The following HERC2 variants were observed in gnomAD, a reference collection of about 807,000 sequenced individuals.
The protein encoded by HERC2 is HECT and RLD domain containing E3 ubiquitin protein ligase 2.
HERC2 carries 102 observed loss-of-function variants against 537.7 expected under a neutral mutation model. The ratio of observed to expected loss-of-function variants is 0.19; its 90% confidence interval spans 0.16 to 0.22. HERC2 has a LOEUF of 0.22. Ranked by LOEUF, HERC2 falls within the 10% of genes least tolerant of loss-of-function variation. HERC2 has a pLI of 1.00. For missense variants in HERC2, 4,236 were observed against 6,198.2 expected (o/e 0.68, Z 10.63); for synonymous variants, 2,224 against 2,466.2 (o/e 0.90, Z 2.91).
At chr15:28,289,970 G>A (rs1003784939) in intron 4 of HERC2, among the ~76,000 whole-genome samples, 6 of 151,116 alleles carry the variant, frequency 4.0e-5, no homozygotes, top group African/African-American at 1.5e-4. Flanking sequence ...TCAGTGAGAG[G>A]ACAACACACC....
At chr15:28,256,364 G>A (rs2075261423) in intron 17 of HERC2, 47 bp from the exon 18 acceptor site, 2 of 1,236,552 alleles carry the variant, frequency 1.6e-6, no homozygotes, top group Non-Finnish European at 2.3e-6. Flanking sequence ...AAAAATGAGT[G>A]AATTTCAAAG....
At chr15:28,251,346 G>A (rs2075072228) in intron 20 of HERC2, among the ~76,000 whole-genome samples, 1 of 152,016 alleles carries the variant, frequency 6.6e-6, no homozygotes, top group Non-Finnish European at 1.5e-5. Context: ...AGGAGGCTGA[G>A]GCAGGAGAAT....
chr15:28,202,475 C>A lies in HERC2; in HGVS notation c.7352G>T (p.Arg2451Leu), dbSNP rs778731000. 6.8e-6 allele frequency: 10 copies of A among 1,468,914 alleles called. No homozygotes were observed. The highest frequency in any genetic ancestry group is 4.3e-5 in the African/African-American group (3 of 69,984). 91.0% of individuals were successfully genotyped at this position (1,468,914 alleles called of 1,614,324 possible). Reference sequence around the variant, plus strand: ...CAGAGCGGGAACGGGCGACTGCTTGCGCCTCTTCACTCTGGCAGGGCGGAT... The same window carrying A: ...CAGAGCGGGAACGGGCGACTGCTTGAGCCTCTTCACTCTGGCAGGGCGGAT... ...QHIRPARVKRRKQSPVPALPI... is the reference protein window; with the variant it reads ...QHIRPARVKRLKQSPVPALPI... The change falls in exon 46 of 93, where the codon CGC (arginine) becomes CTC (leucine). Residue 2451 changes from arginine (R) to leucine (L), a missense_variant. Transcript: ENST00000261609.
At position 28,213,853 on chromosome 15, in the gene HERC2, G is replaced by C. The variant is rs145730767; in HGVS notation, c.6675C>G (p.His2225Gln). Residue 2225 changes from histidine to glutamine, a missense_variant, in exon 42 of 93, where the codon CAC becomes CAG. Physicochemically the swap from His to Gln is conservative, Grantham distance 24. Around this residue, in one of 27 missense-constraint regions of HERC2, gnomAD observed 365 missense variants for 468.8 expected, o/e 0.78. Coordinates refer to ENST00000261609, the MANE Select transcript of HERC2 (RefSeq NM_004667.6). Reference protein sequence around the residue: ...GRLRLGGQVMHDEFGEGTVTR... With the variant: ...GRLRLGGQVMQDEFGEGTVTR... The stretch of plus-strand genomic sequence containing the variant: ...TCACAGTGCCTTCTCCAAACTCATC[G>C]TGCATAACTTGACCGCCCAGGCGCA... 1.2e-6 allele frequency: 2 copies of C among 1,613,874 alleles called. No individual in the cohort carries two copies. Among genetic ancestry groups the C allele is most frequent in the Non-Finnish European group, 8.5e-7 (1 of 1,179,920 alleles).
chr15:28,270,715 T>G lies in HERC2; in HGVS notation c.1237A>C (p.Ser413Arg), dbSNP rs778503182. ...LATPCMPPLC[S>R]SPTSHKGSLQ... ...CACACCTTATGAGATGTCGGAGAGC[T>G]ACACAGCGGAGGCATACAGGGCGTA... Residue 413 changes from serine (S) to arginine (R), a missense_variant, in exon 10 of 93, where the codon AGC becomes CGC. Coordinates refer to ENST00000261609, the MANE Select transcript of HERC2 (RefSeq NM_004667.6). The G allele has an allele frequency of 1.2e-6, 2 of 1,613,858 alleles. No homozygotes were observed. Among genetic ancestry groups the G allele is most frequent in the South Asian group, 2.2e-5 (2 of 91,060 alleles).
chr15:28,179,081 C>T (rs576392808), intron 58 of HERC2, 51 bp from the exon 59 acceptor site: 1 of 1,602,804 alleles, frequency 6.2e-7, no homozygotes, highest in East Asian at 2.2e-5. Context: ...ACATTAAAAA[C>T]TTTTTTGTTT....
chr15:28,259,969 CAAA>C (rs35995546), intron 16 of HERC2, among the ~76,000 whole-genome samples: 56 of 67,566 alleles, frequency 8.3e-4, no homozygotes, highest in African/African-American at 2.4e-3. Flanking sequence ...CTCCATCTGG[CAAA>C]AAAAAAAAAA....
chr15:28,208,129 A>G, intron 44 of HERC2, among the ~76,000 whole-genome samples: 1 of 152,146 alleles, frequency 6.6e-6, no homozygotes, highest in East Asian at 1.9e-4. Context: ...AACCTCTACT[A>G]TTAATTGATT....
intron 78 of HERC2, among the ~76,000 whole-genome samples, chr15:28,138,670 G>C (rs1187963999): frequency 6.6e-6 from 1 of 152,214 alleles, no homozygotes; most frequent in African/African-American, 2.4e-5. Context: ...TGTACAAAGA[G>C]ATTAAAGTTG....
intron 31 of HERC2, 56 bp downstream of exon 31, chr15:28,230,311 G>A (rs1425473454): frequency 9.0e-6 from 14 of 1,557,230 alleles, no homozygotes; most frequent in South Asian, 1.1e-5. Context: ...GTGGATTCCT[G>A]TGCTACATGC....
chr15:28,315,660 C>T (rs2077062628), intron 2 of HERC2: 3 of 672,230 alleles, frequency 4.5e-6, no homozygotes, highest in Admixed American at 2.1e-5. Context: ...TGGCTCTCGG[C>T]GTTAGCGCCA....
At chr15:28,223,955 C>T (rs1409439791) in intron 35 of HERC2, among the ~76,000 whole-genome samples, 1 of 151,884 alleles carries the variant, frequency 6.6e-6, no homozygotes, top group African/African-American at 2.4e-5. Flanking sequence ...AAGTAGACAA[C>T]ATAAAAAGGC....
intron 48 of HERC2, 37 bp from the exon 49 acceptor site, chr15:28,198,806 T>G (rs563109069): frequency 1.3e-6 from 2 of 1,546,866 alleles, no homozygotes; most frequent in South Asian, 2.4e-5. Flanking sequence ...CAGTCCATCA[T>G]GTACACAGGT....
At position 28,167,704 on chromosome 15, in the gene HERC2, T is replaced by G. The variant is rs772540113; in HGVS notation, c.10537A>C (p.Met3513Leu). 12 of 1,614,156 alleles carry G rather than the reference T, an allele frequency of 7.4e-6. No homozygotes were observed. The South Asian group carries it at 1.1e-4, about 15-fold the overall frequency. The part of the protein sequence containing the change: ...LGAASIIAET[M>L]TKTKEDVESQ... ...CTCTTCACCTCTTTGGTTTTGGTCA[T>G]GGTTTCTGCAATGATGCTTGCGGCT... The change falls in exon 68 of 93, where the codon ATG becomes CTG. Residue 3513 changes from methionine to leucine, a missense_variant. Physicochemically the swap from Met to Leu is conservative, Grantham distance 15. This residue lies in a region of HERC2 where 356 missense variants were observed against 450.9 expected (regional missense o/e 0.79). Transcript: ENST00000261609.
In HERC2 at chr15:28,174,635, A is replaced by G; in HGVS notation, c.9832-15T>C. On this transcript the variant is annotated splice_polypyrimidine_tract_variant and intron_variant, in intron 64 of 92. Transcript: ENST00000261609. ...CAAGCATACACCTGTTTACGAGGAG[A>G]AAAAAGCTTATAATTTTTCAACATT... The G allele has an allele frequency of 1.3e-6, 2 of 1,491,184 alleles. No individual in the cohort carries two copies. Among genetic ancestry groups the G allele is most frequent in the Admixed American group, 1.9e-5 (1 of 54,006 alleles). 92.4% of individuals were successfully genotyped at this position (1,491,184 alleles called of 1,614,324 possible).
At chr15:28,230,766 A>T (rs868073998) in intron 30 of HERC2, among the ~76,000 whole-genome samples, 3 of 151,780 alleles carry the variant, frequency 2.0e-5, no homozygotes, top group Non-Finnish European at 4.4e-5. Flanking sequence ...CAGAGAGTGA[A>T]CATTTGAGTC....
intron 2 of HERC2, chr15:28,316,059 T>A (rs199674395): frequency 1.0e-4 from 28 of 273,804 alleles, no homozygotes; most frequent in Non-Finnish European, 1.1e-4. Context: ...TTCCGCTGTT[T>A]AAAAAAAAAA....
chr15:28,152,610 A>G (rs1892569197), intron 70 of HERC2, 67 bp downstream of exon 70: 1 of 1,347,572 alleles, frequency 7.4e-7, no homozygotes, highest in African/African-American at 1.5e-5. Flanking sequence ...TACTGAAGCA[A>G]TTACAGAATC....
chr15:28,315,689 C>A, intron 2 of HERC2: 3 of 786,230 alleles, frequency 3.8e-6, no homozygotes, highest in Non-Finnish European at 6.4e-6. Flanking sequence ...GAAACCTCTG[C>A]GCCATGAGAG....
Sources: gnomAD v4.1 joint callset for allele counts (sites outside exome capture counted in the v4.1 genomes callset) on GRCh38, gnomAD v4.1.1 for gene constraint, gnomAD v4.1.1 regional missense constraint, MANE v1.5 for transcripts, NCBI Gene and HGNC (gene_info 2026-07-23, HGNC 2026-07-21) for gene names.